FOCAD: variants seen among roughly 807,000 people sequenced by gnomAD.
FOCAD encodes KIAA1797.
In FOCAD, 198 loss-of-function variants were observed where a neutral mutation model predicts 225.6. The ratio of observed to expected loss-of-function variants is 0.88; its 90% CI spans 0.78 to 0.99. The LOEUF (loss-of-function observed/expected upper bound fraction) is 0.99, where lower values mean the gene tolerates loss of function less well. FOCAD is among the 50% of genes least tolerant of loss of function. FOCAD has a pLI of 0.00. For synonymous variants in FOCAD, 897 were observed against 755.0 expected (o/e 1.19, Z -3.08); for missense variants, 2,713 against 2,123.6 (o/e 1.28, Z -5.46).
intron 24 of FOCAD, among the ~76,000 whole-genome samples, chr9:20,920,893 G>A (rs1328827345): frequency 3.3e-5 from 5 of 151,060 alleles, no homozygotes; most frequent in South Asian, 2.1e-4. Context: ...CAGCACACCA[G>A]CATGGCACAT....
chr9:20,811,353 C>T (rs977166316), intron 11 of FOCAD, among the ~76,000 whole-genome samples: 6 of 151,984 alleles, frequency 3.9e-5, no homozygotes, highest in African/African-American at 1.2e-4. Flanking sequence ...CTACAAAGTG[C>T]TTAACAGAAT....
At position 20,823,013 on chromosome 9, in the gene FOCAD, G is replaced by T; in HGVS notation, c.1818G>T (p.Met606Ile). ...GGCCATATCAACATGGTGCAGATAT[G>T]TTGGCAGCTATTTCTCAAGTGTTGA... ...KQRPYQHGAD[M>I]LAAISQVLNE... Residue 606 changes from methionine to isoleucine, a missense_variant, in exon 15 of 44, where the codon ATG (methionine) becomes ATT (isoleucine). Physicochemically the swap from Met to Ile is conservative, Grantham distance 10 (BLOSUM62 1). Transcript: ENST00000338382. 1 of 1,606,100 alleles carries T rather than the reference G, an allele frequency of 6.2e-7. No homozygotes were observed. Among genetic ancestry groups the T allele is most frequent in the Admixed American group, 1.7e-5 (1 of 58,000 alleles).
chr9:20,798,697 C>A (rs1290387667), intron 11 of FOCAD, among the ~76,000 whole-genome samples: 2 of 151,672 alleles, frequency 1.3e-5, no homozygotes, highest in African/African-American at 4.8e-5. Context: ...GGTGATATCC[C>A]CTTTATCATT....
At chr9:20,684,864 C>G (rs908802077) in intron 1 of FOCAD, among the ~76,000 whole-genome samples, 5 of 152,376 alleles carry the variant, frequency 3.3e-5, no homozygotes, top group African/African-American at 1.2e-4. Flanking sequence ...TCCGTCCGCA[C>G]TTGCGGCAAT....
chr9:20,802,517 C>T (rs748702831), intron 11 of FOCAD, among the ~76,000 whole-genome samples: 1 of 152,074 alleles, frequency 6.6e-6, no homozygotes, highest in Non-Finnish European at 1.5e-5. Context: ...GTTTTTACCT[C>T]CTAGTAACCT....
chr9:20,796,912 T>A (rs10811405), intron 11 of FOCAD, among the ~76,000 whole-genome samples: 28,722 of 149,988 alleles, frequency 0.19, 2,985 homozygotes, highest in Non-Finnish European at 0.24. Flanking sequence ...CTGAATGGTA[T>A]TGCCTAGGTT....
At chr9:20,809,489 G>A (rs935627121) in intron 11 of FOCAD, among the ~76,000 whole-genome samples, 1 of 151,994 alleles carries the variant, frequency 6.6e-6, no homozygotes, top group South Asian at 2.1e-4. Flanking sequence ...AGCCAAATGT[G>A]GCTAGTGGCT....
intron 29 of FOCAD, among the ~76,000 whole-genome samples, chr9:20,945,775 T>C (rs76433829): frequency 1.3e-5 from 2 of 152,234 alleles, no homozygotes; most frequent in Admixed American, 6.5e-5. Context: ...AGTTTTTTTT[T>C]CTCCCCTCTG....
intron 17 of FOCAD, 29 bp from the exon 18 acceptor site, chr9:20,866,888 CTTTTTTTTTTTT>C (rs10629839): frequency 0.021 from 7,130 of 341,576 alleles, 147 homozygotes; most frequent in Middle Eastern, 0.038. Flanking sequence ...TGTTTGCTTG[CTTTTTTTTTTTT>C]TTTTTTTTTT....
chr9:20,822,939 A>G (rs748060052), intron 14 of FOCAD, 50 bp from the exon 15 acceptor site: 6 of 1,520,276 alleles, frequency 3.9e-6, no homozygotes, highest in South Asian at 1.3e-5. Flanking sequence ...TCTGGGAGTG[A>G]TAACTGCACT....
chr9:20,832,259 A>T (rs1825573159), intron 15 of FOCAD, among the ~76,000 whole-genome samples: 2 of 152,076 alleles, frequency 1.3e-5, no homozygotes, highest in South Asian at 4.1e-4. Context: ...GAGGAATGCC[A>T]TACTGTTTTC....
chr9:20,944,338 T>C (rs1481892402), intron 28 of FOCAD, among the ~76,000 whole-genome samples: 1 of 152,204 alleles, frequency 6.6e-6, no homozygotes, highest in Non-Finnish European at 1.5e-5. Flanking sequence ...CTTTTCCTCT[T>C]CTCACCCATA....
Position 20,929,363 on chromosome 9 carries a change from C to CT in FOCAD, c.3085dup (p.Tyr1029LeufsTer4), listed in dbSNP as rs1835251139. 7 of 1,613,622 alleles carry CT rather than the reference C, an allele frequency of 4.3e-6. No individual in the cohort carries two copies. The highest frequency in any genetic ancestry group is 3.3e-4 in the Middle Eastern group (2 of 6,070). ...CTTTCTTTGGCATGTCCTAGAAGTC[C>CT]TATTCTGGTGAAAACACAGCTAGTG... On this transcript the variant is annotated frameshift_variant, in exon 27 of 44. Coordinates refer to ENST00000338382, the MANE Select transcript of FOCAD (RefSeq NM_001375567.1). LOFTEE classifies it high-confidence loss of function.
chr9:20,952,605 T>C (rs1837784499), intron 34 of FOCAD: 2 of 253,944 alleles, frequency 7.9e-6, no homozygotes, highest in Non-Finnish European at 1.5e-5. Context: ...CCTACTACAG[T>C]GGTCTCAGCG....
intron 15 of FOCAD, among the ~76,000 whole-genome samples, chr9:20,850,309 TA>T (rs1256741931): frequency 5.9e-5 from 9 of 151,734 alleles, no homozygotes; most frequent in African/African-American, 1.4e-4. Context: ...ATTTTATTTT[TA>T]TTTTTTTATT....
chr9:20,918,882 C>T (rs1247076136), intron 24 of FOCAD, among the ~76,000 whole-genome samples: 1 of 152,196 alleles, frequency 6.6e-6, no homozygotes, highest in East Asian at 1.9e-4. Flanking sequence ...CTGTCACCCT[C>T]TCTGCTTCTT....
rs928093701 is a variant in FOCAD, at chr9:20,715,444, C to T, written c.57+34C>T. On this transcript the variant is annotated intron_variant, in intron 2 of 43. Transcript: ENST00000338382. ...GTTTGTTTATTTTTGCTCATGGTAA[C>T]AAATAAACCTGTTCTGTGGATTTTT... The T allele has an allele frequency of 3.0e-6, 4 of 1,326,932 alleles. No homozygotes were observed. In the African/African-American group the frequency reaches 4.4e-5, roughly 15 times the overall value. The allele number at this position is 1,326,932 out of a possible 1,614,324, so 82.2% of individuals were successfully genotyped here.
intron 28 of FOCAD, among the ~76,000 whole-genome samples, chr9:20,935,883 C>A (rs1463663905): frequency 6.6e-6 from 1 of 152,130 alleles, no homozygotes; most frequent in Non-Finnish European, 1.5e-5. Context: ...CCCATGCTAA[C>A]CCCATGGTTT....
intron 28 of FOCAD, among the ~76,000 whole-genome samples, chr9:20,933,859 G>A (rs993917351): frequency 2.0e-5 from 3 of 151,794 alleles, no homozygotes; most frequent in Admixed American, 6.6e-5. Flanking sequence ...TCTGTTCACC[G>A]CGTCCACACC....
Sources: gnomAD v4.1 joint callset for allele counts (sites outside exome capture counted in the v4.1 genomes callset) on GRCh38, gnomAD v4.1.1 for gene constraint, MANE v1.5 for transcripts, NCBI Gene and HGNC (gene_info 2026-07-23, HGNC 2026-07-21) for gene names.